The following ZC3H12B variants were observed in gnomAD, a reference collection of about 807,000 sequenced individuals.
ZC3H12B encodes the protein zinc finger CCCH-type containing 12B, also known as probable ribonuclease ZC3H12B.
Under a neutral mutation model 43.9 loss-of-function variants are expected in ZC3H12B, and 7 were observed. The observed-to-expected ratio is 0.16, with a 90% CI of 0.09 to 0.30. ZC3H12B has a LOEUF of 0.30. ZC3H12B is among the 10% of genes least tolerant of loss of function. ZC3H12B has a pLI of 1.00. For missense variants in ZC3H12B, 475 were observed against 670.2 expected, an observed-to-expected ratio of 0.71 and a Z score of 3.22; for synonymous variants, 222 against 241.7, an observed-to-expected ratio of 0.92 and a Z score of 0.76.
chrX:65,431,064 A>G (rs981416825), intron 3 of ZC3H12B, among the ~76,000 whole-genome samples: 68 of 112,453 alleles, frequency 6.0e-4, no homozygotes, highest in Non-Finnish European at 1.5e-4. Context: ...TCAAGATGGT[A>G]GGGAACATGG....
At chrX:65,229,465 T>C in the ZC3H12B span, among the ~76,000 whole-genome samples, 18 of 108,568 alleles carry the variant, frequency 1.7e-4, no homozygotes, top group African/African-American at 5.3e-4. Flanking sequence ...ATTCAGGACA[T>C]AGGCATGGGC....
At chrX:65,297,897 A>G in the ZC3H12B span, among the ~76,000 whole-genome samples, 1 of 111,787 alleles carries the variant, frequency 8.9e-6, no homozygotes, top group African/African-American at 3.3e-5. Flanking sequence ...AAACTGAGGA[A>G]AGGACACCCT....
chrX:65,421,169 T>C (rs771270647), intron 3 of ZC3H12B, among the ~76,000 whole-genome samples: 3 of 112,628 alleles, frequency 2.7e-5, no homozygotes, highest in Non-Finnish European at 5.6e-5. Flanking sequence ...GACTTATTGG[T>C]AAGACATTTG....
intron 3 of ZC3H12B, among the ~76,000 whole-genome samples, chrX:65,407,347 A>C (rs1352821442): frequency 9.0e-6 from 1 of 111,323 alleles, no homozygotes; most frequent in Non-Finnish European, 1.9e-5. Context: ...GCAACCGCGG[A>C]GAACACCGAG....
the ZC3H12B span, among the ~76,000 whole-genome samples, chrX:65,343,698 A>C: frequency 8.9e-6 from 1 of 112,396 alleles, no homozygotes; most frequent in Non-Finnish European, 1.9e-5. Context: ...GCCATTTATA[A>C]TAAACCTACA....
At chrX:65,313,912 G>A in the ZC3H12B span, among the ~76,000 whole-genome samples, 1 of 111,873 alleles carries the variant, frequency 8.9e-6, no homozygotes, top group Non-Finnish European at 1.9e-5. Flanking sequence ...GCTCTGTGAG[G>A]CCAAGGTGAA....
chrX:65,491,388 A>G (rs766815586), intron 1 of ZC3H12B, among the ~76,000 whole-genome samples: 1 of 111,730 alleles, frequency 9.0e-6, no homozygotes, highest in South Asian at 3.7e-4. Flanking sequence ...AATATCACAC[A>G]GTATTATGTG....
the ZC3H12B span, among the ~76,000 whole-genome samples, chrX:65,111,537 A>T: frequency 1.1e-5 from 1 of 94,006 alleles, no homozygotes; most frequent in Non-Finnish European, 1.9e-5. Flanking sequence ...TGCAATTTTT[A>T]TTTTTTTATT....
At chrX:65,186,248 T>G in the ZC3H12B span, 1 of 110,779 alleles carries the variant, frequency 9.0e-6, no homozygotes, top group African/African-American at 3.3e-5. Context: ...ATCCAGCACT[T>G]TGGGAGGCCG....
At chrX:65,505,341 T>A (rs2068414854) in exon 5 of ZC3H12B, 1 of 112,513 alleles carries the variant, frequency 8.9e-6, no homozygotes, top group South Asian at 3.7e-4. Context: ...TTCTGGTGGT[T>A]TGACAATGGC....
At chrX:65,087,734 G>A in the ZC3H12B span, among the ~76,000 whole-genome samples, 2 of 111,923 alleles carry the variant, frequency 1.8e-5, no homozygotes, top group Non-Finnish European at 3.8e-5. Flanking sequence ...AGGAAGATTA[G>A]GTGAAGGTCA....
the ZC3H12B span, among the ~76,000 whole-genome samples, chrX:65,130,546 C>T: frequency 7.9e-4 from 87 of 110,802 alleles, no homozygotes; most frequent in Non-Finnish European, 1.3e-3. Flanking sequence ...CTGAACAATC[C>T]CTGAGGAGTA....
At chrX:65,085,981 A>T in the ZC3H12B span, among the ~76,000 whole-genome samples, 2 of 110,352 alleles carry the variant, frequency 1.8e-5, no homozygotes, top group Admixed American at 9.7e-5. Context: ...ATCAGATATT[A>T]GATATTAGAT....
the ZC3H12B span, among the ~76,000 whole-genome samples, chrX:65,074,907 AT>A: frequency 8.9e-6 from 1 of 111,753 alleles, no homozygotes; most frequent in Non-Finnish European, 1.9e-5. Flanking sequence ...GGATATTTGA[AT>A]TTTTTGTCAG....
chrX:65,361,699 A>G (rs1270189837), upstream of ZC3H12B, among the ~76,000 whole-genome samples: 3 of 110,410 alleles, frequency 2.7e-5, no homozygotes, highest in African/African-American at 6.6e-5. Context: ...GAGGAAGGCC[A>G]TCTTACTCTC....
At chrX:65,451,093 G>A (rs980414605) in intron 3 of ZC3H12B, among the ~76,000 whole-genome samples, 4 of 107,981 alleles carry the variant, frequency 3.7e-5, no homozygotes, top group Middle Eastern at 4.7e-3. Context: ...AATTACAGGC[G>A]CATGCCACCA....
At chrX:65,410,015 C>A (rs2066884019) in intron 3 of ZC3H12B, among the ~76,000 whole-genome samples, 1 of 102,331 alleles carries the variant, frequency 9.8e-6, no homozygotes, top group Admixed American at 1.1e-4. Flanking sequence ...TTATCCTATG[C>A]AATAAGAGCA....
At chrX:65,333,930 C>T in the ZC3H12B span, among the ~76,000 whole-genome samples, 1 of 111,639 alleles carries the variant, frequency 9.0e-6, no homozygotes, top group Non-Finnish European at 1.9e-5. Context: ...AGGAGTTTCT[C>T]ACAAATTAGG....
At chrX:65,347,289 C>A in the ZC3H12B span, among the ~76,000 whole-genome samples, 1 of 111,387 alleles carries the variant, frequency 9.0e-6, no homozygotes, top group African/African-American at 3.3e-5. Flanking sequence ...CCGAAGGTCA[C>A]CAACATCAGA....
Sources: gnomAD v4.1 joint callset for allele counts (sites outside exome capture counted in the v4.1 genomes callset) on GRCh38, gnomAD v4.1.1 for gene constraint, MANE v1.5 for transcripts, NCBI Gene and HGNC (gene_info 2026-07-23, HGNC 2026-07-21) for gene names.